The following RAD50 variants were observed in gnomAD, a reference collection of about 807,000 sequenced individuals.
RAD50 encodes the protein RAD50 double strand break repair protein.
In RAD50, 132 loss-of-function variants were observed where a neutral mutation model predicts 168.8. The ratio of observed to expected loss-of-function variants is 0.78; its 90% CI spans 0.68 to 0.90. RAD50 has a LOEUF of 0.90. RAD50 is among the 40% of genes least tolerant of loss of function. RAD50 has a pLI of 0.00. For missense variants in RAD50, 1,347 were observed against 1,534.4 expected (o/e 0.88, Z 2.04); for synonymous variants, 525 against 497.4 (o/e 1.06, Z -0.74).
intron 2 of RAD50, among the ~76,000 whole-genome samples, chr5:132,562,530 G>C (rs1302953830): frequency 6.6e-6 from 1 of 152,090 alleles, no homozygotes; most frequent in Non-Finnish European, 1.5e-5. Context: ...TTTTTGGCTT[G>C]AACAACTGGA....
chr5:132,637,877 G>A (rs538782354), intron 22 of RAD50, among the ~76,000 whole-genome samples: 2 of 152,256 alleles, frequency 1.3e-5, no homozygotes, highest in East Asian at 3.9e-4. Flanking sequence ...TTGAGGCTGA[G>A]GAACTGGGGC....
At chr5:132,569,969 A>G (rs911320264) in intron 2 of RAD50, among the ~76,000 whole-genome samples, 3 of 152,250 alleles carry the variant, frequency 2.0e-5, no homozygotes, top group African/African-American at 7.2e-5. Flanking sequence ...CAGCTAGATA[A>G]TGCTTAGAGA....
At chr5:132,619,783 C>CCTCTCTCTCTCTCTCT (rs550575815) in intron 21 of RAD50, among the ~76,000 whole-genome samples, 45 of 125,662 alleles carry the variant, frequency 3.6e-4, no homozygotes, top group African/African-American at 1.4e-3. Flanking sequence ...CTTCCCTACT[C>CCTCTCTCTCTCTCTCT]CTCTCTCTCT....
chr5:132,575,741 A>G, intron 2 of RAD50, 36 bp from the exon 3 acceptor site: 2 of 1,549,696 alleles, frequency 1.3e-6, no homozygotes, highest in Non-Finnish European at 1.8e-6. Context: ...GTGCTTATTA[A>G]AGTAACATAA....
Position 132,608,742 on chromosome 5 carries a change from A to T in RAD50, c.2829+17A>T. 1 of 1,559,360 alleles carries T rather than the reference A, an allele frequency of 6.4e-7. No homozygotes were observed. The highest frequency in any genetic ancestry group is 8.7e-7 in the Non-Finnish European group (1 of 1,152,080). On this transcript the variant is annotated intron_variant, in intron 17 of 24. Coordinates refer to ENST00000378823, the MANE Select transcript of RAD50 (RefSeq NM_005732.4). ...CAGGATAAAGTAAGATTTCATTTAT[A>T]TATTTACTTATCAAATATCTGTATT...
intron 21 of RAD50, among the ~76,000 whole-genome samples, chr5:132,621,463 T>A (rs1438996331): frequency 6.6e-6 from 1 of 152,250 alleles, no homozygotes. Context: ...TAAGCCCGCA[T>A]GTTTCCCAAT....
chr5:132,637,972 C>A, intron 22 of RAD50, 109 bp from the exon 23 acceptor site: 1 of 1,237,762 alleles, frequency 8.1e-7, no homozygotes, highest in Non-Finnish European at 1.2e-6. Context: ...TTGTTTTCCT[C>A]TGGTAATGTC....
chr5:132,642,688 G>C lies in RAD50; in HGVS notation c.*324G>C, dbSNP rs142757221. Reference sequence around the variant, plus strand: ...GCATGCTTCTTCTCAAAGCACTGTTGAGAAGGAGATAATTACTGCCTTGAA... The same window carrying C: ...GCATGCTTCTTCTCAAAGCACTGTTCAGAAGGAGATAATTACTGCCTTGAA... On this transcript the variant is annotated 3_prime_UTR_variant, in exon 25 of 25. Coordinates refer to ENST00000378823, the MANE Select transcript of RAD50 (RefSeq NM_005732.4). The C allele has an allele frequency of 9.7e-4, 422 of 434,486 alleles. No individual in the cohort carries two copies. Among genetic ancestry groups the C allele is most frequent in the South Asian group, 2.0e-3 (77 of 39,092 alleles). The allele number at this position is 434,486 out of a possible 1,614,324, so 26.9% of individuals were successfully genotyped here. A position where few individuals can be genotyped will look rare whatever the true frequency, so the allele number is the denominator to read the frequency against.
In RAD50 at chr5:132,638,248, G is replaced by A. The variant is rs562557688; in HGVS notation, c.3618+25G>A. 4.2e-5 allele frequency: 67 copies of A among 1,613,718 alleles called. 1 individual carries two copies. The South Asian group carries it at 6.7e-4, about 16-fold the overall frequency. ...GGCAGGTATCTCAAAAGCCTGGGGA[G>A]CCAACTCACCCAAGTAACTGAAAGA... On this transcript the variant is annotated intron_variant, in intron 23 of 24. Coordinates refer to ENST00000378823, the MANE Select transcript of RAD50 (RefSeq NM_005732.4).
intron 16 of RAD50, 151 bp from the exon 17 acceptor site, chr5:132,608,464 G>T: frequency 1.7e-6 from 1 of 596,292 alleles, no homozygotes; most frequent in South Asian, 2.5e-5. Flanking sequence ...GAAAATGATG[G>T]TACTGTCCTC....
At position 132,642,436 on chromosome 5, in the gene RAD50, T is replaced by C. The variant is rs1163204169; in HGVS notation, c.*72T>C. 1.5e-6 allele frequency: 2 copies of C among 1,333,634 alleles called. No individual in the cohort carries two copies. The highest frequency in any genetic ancestry group is 3.0e-5 in the African/African-American group (2 of 67,572). The allele number at this position is 1,333,634 out of a possible 1,614,324, so 82.6% of individuals were successfully genotyped here. A position where few individuals can be genotyped will look rare whatever the true frequency, so the allele number is the denominator to read the frequency against. On this transcript the variant is annotated 3_prime_UTR_variant, in exon 25 of 25. Coordinates refer to ENST00000378823, the MANE Select transcript of RAD50 (RefSeq NM_005732.4). ...TGTATAATAAGAAACTTATTTCTCA[T>C]ATCAACTTAGTCAATAAGAAAATAT...
intron 4 of RAD50, 150 bp downstream of exon 4, chr5:132,579,652 C>G (rs1750469001): frequency 1.1e-6 from 1 of 876,666 alleles, no homozygotes; most frequent in Non-Finnish European, 1.8e-6. Flanking sequence ...GGCATATTTT[C>G]TTTCACTTGT....
chr5:132,564,189 G>A (rs757612750), intron 2 of RAD50, among the ~76,000 whole-genome samples: 1 of 152,190 alleles, frequency 6.6e-6, no homozygotes. Context: ...GTAGAGGTTG[G>A]AACAGTTTGG....
Position 132,642,740 on chromosome 5 carries a change from A to G in RAD50, c.*376A>G, listed in dbSNP as rs191061673. On this transcript the variant is annotated 3_prime_UTR_variant, in exon 25 of 25. Coordinates refer to ENST00000378823, the MANE Select transcript of RAD50 (RefSeq NM_005732.4). ...ATTTATGGTTTTGGTATTTTTTTAA[A>G]TCATAGTTAAATGTTACCTCTGAAT... 57 of 379,780 alleles carry G rather than the reference A, an allele frequency of 1.5e-4. No homozygotes were observed. The highest frequency in any genetic ancestry group is 8.9e-4 in the African/African-American group (44 of 49,396). The allele number at this position is 379,780 out of a possible 1,614,324, so 23.5% of individuals were successfully genotyped here.
chr5:132,604,123 ATC>A, intron 15 of RAD50, 77 bp downstream of exon 15: 4 of 1,546,142 alleles, frequency 2.6e-6, no homozygotes, highest in East Asian at 2.3e-5. Flanking sequence ...TCAATTTTAT[ATC>A]TGTTACATGG....
At chr5:132,591,471 T>C in intron 10 of RAD50, 65 bp downstream of exon 10, 2 of 1,463,074 alleles carry the variant, frequency 1.4e-6, no homozygotes, top group Non-Finnish European at 1.9e-6. Flanking sequence ...CTTGCACTCA[T>C]AAGTCATAGA....
At chr5:132,575,239 G>A (rs188238510) in intron 2 of RAD50, among the ~76,000 whole-genome samples, 10 of 152,298 alleles carry the variant, frequency 6.6e-5, no homozygotes, top group Admixed American at 2.6e-4. Context: ...GTAAGGAGGC[G>A]CAAGTCACAT....
chr5:132,572,691 A>T (rs1352855478), intron 2 of RAD50, among the ~76,000 whole-genome samples: 3 of 152,164 alleles, frequency 2.0e-5, no homozygotes, highest in Non-Finnish European at 4.4e-5. Context: ...TTTTCAACAG[A>T]CTTTAAACTT....
intron 3 of RAD50, among the ~76,000 whole-genome samples, chr5:132,578,024 A>G (rs1275391182): frequency 1.3e-5 from 2 of 152,082 alleles, no homozygotes; most frequent in African/African-American, 4.8e-5. Flanking sequence ...CATGTTAGCC[A>G]GAATGGTCTT....
Sources: allele counts gnomAD v4.1 joint callset (sites outside exome capture counted in the v4.1 genomes callset), GRCh38; gene constraint gnomAD v4.1.1; transcripts MANE v1.5; gene names NCBI Gene and HGNC (gene_info 2026-07-23, HGNC 2026-07-21).